CDH4: variants seen among roughly 807,000 people sequenced by gnomAD.
CDH4 encodes the protein cadherin-4.
Under a neutral mutation model 86.0 loss-of-function variants are expected in CDH4, and 33 were observed. The observed-to-expected ratio is 0.38, with a 90% CI of 0.29 to 0.51. CDH4 has a LOEUF of 0.51. Ranked by LOEUF, CDH4 falls within the 20% of genes least tolerant of loss-of-function variation. The pLI is 0.86. For missense variants in CDH4, 1,114 were observed against 1,307.4 expected, an observed-to-expected ratio of 0.85 and a Z score of 2.28; for synonymous variants, 555 against 549.4, an observed-to-expected ratio of 1.01 and a Z score of -0.14.
intron 2 of CDH4, among the ~76,000 whole-genome samples, chr20:61,323,706 A>G (rs1466549294): frequency 2.0e-5 from 3 of 152,158 alleles, no homozygotes; most frequent in Admixed American, 1.3e-4. Context: ...GGTTGGGGCC[A>G]CAGGGACTGT....
chr20:61,892,861 G>A, intron 7 of CDH4, among the ~76,000 whole-genome samples: 1 of 152,050 alleles, frequency 6.6e-6, no homozygotes, highest in Non-Finnish European at 1.5e-5. Flanking sequence ...GGTCTTAGAG[G>A]GAAGGAGGAA....
In CDH4 at chr20:61,684,562, G is replaced by A. The variant is rs2087553536; in HGVS notation, c.170-59001G>A. On this transcript the variant is annotated intron_variant, in intron 2 of 15. Transcript: ENST00000614565. The surrounding 1 kb of genome is among the most constrained non-coding windows in gnomAD (Gnocchi z 4.5). ...CAGCCCCCTGTGTTGTTCTGCAGCTGGGAATCCTGGGCTCCGTCCTGGGGG... is the reference window on the plus strand; with the variant it reads ...CAGCCCCCTGTGTTGTTCTGCAGCTAGGAATCCTGGGCTCCGTCCTGGGGG... Among the ~76,000 whole-genome samples the A allele has an allele frequency of 6.6e-6, 1 of 152,196 alleles. No individual in the cohort carries two copies. The highest frequency in any genetic ancestry group is 2.1e-4 in the South Asian group (1 of 4,814).
chr20:61,539,816 A>C (rs2086026304), intron 2 of CDH4, among the ~76,000 whole-genome samples: 1 of 152,196 alleles, frequency 6.6e-6, no homozygotes, highest in African/African-American at 2.4e-5. Flanking sequence ...GCTTCTGCGC[A>C]TATTCCCTTG....
At chr20:61,615,128 T>C (rs1420517616) in intron 2 of CDH4, among the ~76,000 whole-genome samples, 1 of 68,562 alleles carries the variant, frequency 1.5e-5, no homozygotes, top group Non-Finnish European at 3.1e-5. Flanking sequence ...TTTGTTTTTT[T>C]GGTTTTTTTT....
chr20:61,402,712 A>ATTTTCAATC (rs1165427439), intron 2 of CDH4, among the ~76,000 whole-genome samples: 5 of 152,138 alleles, frequency 3.3e-5, no homozygotes, highest in Non-Finnish European at 5.9e-5. Context: ...TTTAAAACAT[A>ATTTTCAATC]TTTTCAATCA....
At chr20:61,312,523 G>A (rs575543568) in intron 2 of CDH4, among the ~76,000 whole-genome samples, 2 of 152,230 alleles carry the variant, frequency 1.3e-5, no homozygotes, top group African/African-American at 4.8e-5. Context: ...CTTCCAGCTG[G>A]TCCGTATTGG....
intron 2 of CDH4, among the ~76,000 whole-genome samples, chr20:61,266,562 C>T (rs1364771837): frequency 5.3e-5 from 8 of 151,828 alleles, no homozygotes; most frequent in Non-Finnish European, 7.4e-5. Context: ...CCCCGACTTC[C>T]GCTTCCAGGA....
At chr20:61,882,576 C>G (rs1424585372) in intron 7 of CDH4, among the ~76,000 whole-genome samples, 3 of 152,222 alleles carry the variant, frequency 2.0e-5, no homozygotes, top group Admixed American at 2.0e-4. Context: ...TCTGAAGCCC[C>G]TGGCCCGGGG....
intron 7 of CDH4, among the ~76,000 whole-genome samples, chr20:61,883,617 G>T (rs1407539006): frequency 6.6e-6 from 1 of 152,214 alleles, no homozygotes; most frequent in Non-Finnish European, 1.5e-5. Flanking sequence ...GAAACCCCAG[G>T]CCACTGGAGA....
intron 2 of CDH4, among the ~76,000 whole-genome samples, chr20:61,326,478 G>A (rs1031104932): frequency 6.6e-6 from 1 of 152,242 alleles, no homozygotes; most frequent in East Asian, 1.9e-4. Context: ...AATCAATGGT[G>A]CAAGCATCAC....
intron 4 of CDH4, among the ~76,000 whole-genome samples, chr20:61,777,565 A>G (rs191867998): frequency 6.6e-6 from 1 of 152,380 alleles, no homozygotes; most frequent in Admixed American, 6.5e-5. Context: ...AATGGACTCC[A>G]AGTCATTATG....
intron 2 of CDH4, among the ~76,000 whole-genome samples, chr20:61,555,342 C>T (rs1183079586): frequency 6.6e-6 from 1 of 152,208 alleles, no homozygotes; most frequent in Non-Finnish European, 1.5e-5. Flanking sequence ...GGCCTGCTGG[C>T]ATCAGCCTTG....
chr20:61,731,209 G>A (rs957430589), intron 2 of CDH4, among the ~76,000 whole-genome samples: 11 of 152,000 alleles, frequency 7.2e-5, no homozygotes, highest in Non-Finnish European at 1.5e-4. Context: ...CCAAACAGTC[G>A]TGCCGCTTGT....
intron 2 of CDH4, among the ~76,000 whole-genome samples, chr20:61,637,245 G>T (rs368617761): frequency 3.3e-5 from 5 of 152,238 alleles, no homozygotes; most frequent in African/African-American, 1.2e-4. Context: ...GGGGATGCGC[G>T]TGTGTGTCTG....
At chr20:61,887,704 C>T (rs1984610859) in intron 7 of CDH4, among the ~76,000 whole-genome samples, 2 of 152,204 alleles carry the variant, frequency 1.3e-5, no homozygotes, top group South Asian at 4.1e-4. Context: ...GATGTCATGC[C>T]GCAAGTCTGT....
At chr20:61,519,745 G>A (rs771434658) in intron 2 of CDH4, among the ~76,000 whole-genome samples, 14 of 152,226 alleles carry the variant, frequency 9.2e-5, no homozygotes, top group African/African-American at 2.9e-4. Flanking sequence ...GGCGCAGGAC[G>A]CCAGTGTGTC....
chr20:61,315,011 T>C (rs1208782328), intron 2 of CDH4, among the ~76,000 whole-genome samples: 1 of 152,222 alleles, frequency 6.6e-6, no homozygotes, highest in Non-Finnish European at 1.5e-5. Flanking sequence ...ATTCCTTATG[T>C]ATTTTGGCTA....
At chr20:61,781,596 G>A (rs1214671273) in intron 4 of CDH4, among the ~76,000 whole-genome samples, 2 of 152,242 alleles carry the variant, frequency 1.3e-5, no homozygotes, top group African/African-American at 2.4e-5. Context: ...TGAAGAAGGA[G>A]GAGAAGTGAA....
chr20:61,363,604 A>G (rs1276795308), intron 2 of CDH4, among the ~76,000 whole-genome samples: 4 of 152,210 alleles, frequency 2.6e-5, no homozygotes, highest in African/African-American at 9.6e-5. Flanking sequence ...GGCTGATGCC[A>G]GGGATGAAGG....
Sources: allele counts gnomAD v4.1 joint callset (sites outside exome capture counted in the v4.1 genomes callset), GRCh38; gene constraint gnomAD v4.1.1; non-coding constraint Gnocchi (gnomAD v3.1); transcripts MANE v1.5; gene names NCBI Gene and HGNC (gene_info 2026-07-23, HGNC 2026-07-21).